CDH4: variants seen among roughly 807,000 people sequenced by gnomAD.
CDH4 encodes cadherin-4.
A neutral mutation model predicts 86.0 loss-of-function variants in CDH4; 33 were observed. The observed-to-expected ratio is 0.38, with a 90% CI of 0.29 to 0.51. CDH4 has a LOEUF of 0.51. CDH4 is among the 20% of genes least tolerant of loss of function. The probability of loss-of-function intolerance (pLI) is 0.86; values close to 1 mark genes in which losing one functional copy is unlikely to be tolerated. For missense variants in CDH4, 1,114 were observed against 1,307.4 expected (o/e 0.85, Z 2.28); for synonymous variants, 555 against 549.4 (o/e 1.01, Z -0.14).
At chr20:61,255,246 T>C (rs1230957832) in intron 2 of CDH4, among the ~76,000 whole-genome samples, 1 of 152,264 alleles carries the variant, frequency 6.6e-6, no homozygotes, top group Non-Finnish European at 1.5e-5. Context: ...CATGAAGTTC[T>C]GGATACTTAA....
At chr20:61,917,211 G>A (rs1219363744) in intron 9 of CDH4, among the ~76,000 whole-genome samples, 3 of 152,140 alleles carry the variant, frequency 2.0e-5, no homozygotes, top group East Asian at 3.9e-4. Context: ...CACCTCCCAG[G>A]CTCTACCTGA....
intron 2 of CDH4, among the ~76,000 whole-genome samples, chr20:61,630,212 T>C (rs1356597103): frequency 6.6e-6 from 1 of 152,220 alleles, no homozygotes; most frequent in Non-Finnish European, 1.5e-5. Flanking sequence ...CTGCCAGTTA[T>C]GCCTTGGTGT....
intron 2 of CDH4, among the ~76,000 whole-genome samples, chr20:61,437,984 C>T (rs1051017229): frequency 6.6e-6 from 1 of 152,214 alleles, no homozygotes; most frequent in Non-Finnish European, 1.5e-5. Flanking sequence ...CACTCAGCTC[C>T]ACCACTTCAG....
intron 2 of CDH4, among the ~76,000 whole-genome samples, chr20:61,457,010 G>C (rs1481869988): frequency 1.3e-5 from 2 of 152,182 alleles, no homozygotes; most frequent in East Asian, 3.9e-4. Flanking sequence ...AGTGGCAAAA[G>C]GGGCTTTGTG....
rs367878463 is a variant in CDH4 at position 61,704,775 on chromosome 20, G to A, written c.170-38788G>A. Among the ~76,000 whole-genome samples, 292 of 152,264 alleles carry A rather than the reference G, an allele frequency of 1.9e-3. 11 individuals carry two copies. In the South Asian group the frequency reaches 0.047, roughly 25 times the overall value. ...CATCATGGGCATTAAATGGGGTGGCGCCGCTCTGGGCACCACAGGCATTTA... is the reference window on the plus strand; with the variant it reads ...CATCATGGGCATTAAATGGGGTGGCACCGCTCTGGGCACCACAGGCATTTA... On this transcript the variant is annotated intron_variant, in intron 2 of 15. Transcript: ENST00000614565.
intron 2 of CDH4, among the ~76,000 whole-genome samples, chr20:61,713,220 C>T (rs1339727582): frequency 6.6e-6 from 1 of 152,208 alleles, no homozygotes; most frequent in South Asian, 2.1e-4. Context: ...TGTGTCCTGA[C>T]CCCTGCATGT....
chr20:61,828,584 AGGTCCTGAGGGGAG>A (rs1981431463), intron 4 of CDH4, among the ~76,000 whole-genome samples: 1 of 152,196 alleles, frequency 6.6e-6, no homozygotes, highest in Admixed American at 6.5e-5. Context: ...TCTTGCTCAG[AGGTCCTGAGGGGAG>A]GGTCCTGAGG....
chr20:61,685,545 C>T (rs1568754862), intron 2 of CDH4, among the ~76,000 whole-genome samples: 1 of 152,280 alleles, frequency 6.6e-6, no homozygotes, highest in Non-Finnish European at 1.5e-5. Flanking sequence ...TCCTCGGCCC[C>T]ACCACCCCGC....
At chr20:61,856,941 G>A (rs888063944) in intron 6 of CDH4, among the ~76,000 whole-genome samples, 2 of 152,238 alleles carry the variant, frequency 1.3e-5, no homozygotes, top group African/African-American at 4.8e-5. Flanking sequence ...CTCCCCGGCC[G>A]GTTTTCAACC....
At chr20:61,920,079 ACG>A (rs2054955637) in intron 9 of CDH4, among the ~76,000 whole-genome samples, 1 of 3,142 alleles carries the variant, frequency 3.2e-4, no homozygotes, top group Non-Finnish European at 7.6e-4. Context: ...GCGTGGTGTC[ACG>A]GTGATTGCGT....
At chr20:61,806,680 C>G (rs1228015214) in intron 4 of CDH4, among the ~76,000 whole-genome samples, 1 of 152,202 alleles carries the variant, frequency 6.6e-6, no homozygotes, top group Non-Finnish European at 1.5e-5. Context: ...TCACCTTTCC[C>G]TTGGGGCTGT....
At chr20:61,804,220 C>T (rs1214279329) in intron 4 of CDH4, among the ~76,000 whole-genome samples, 3 of 152,212 alleles carry the variant, frequency 2.0e-5, no homozygotes, top group Non-Finnish European at 4.4e-5. Context: ...GCTGGAGATT[C>T]GCCCTCAGGT....
intron 2 of CDH4, chr20:61,437,512 G>C (rs1230007245): frequency 6.6e-6 from 1 of 152,130 alleles, no homozygotes; most frequent in Non-Finnish European, 1.5e-5. Context: ...AAGGTATCTG[G>C]GCTCCAGTCA....
intron 2 of CDH4, among the ~76,000 whole-genome samples, chr20:61,688,513 C>T (rs1266896633): frequency 6.6e-6 from 1 of 152,348 alleles, no homozygotes; most frequent in East Asian, 1.9e-4. Flanking sequence ...ACTCTTGGTC[C>T]CCTGGACCGC....
intron 4 of CDH4, among the ~76,000 whole-genome samples, chr20:61,775,427 G>A (rs1236984198): frequency 6.6e-6 from 1 of 152,114 alleles, no homozygotes; most frequent in Non-Finnish European, 1.5e-5. Context: ...TTACTCTGGG[G>A]TCAGCAAACC....
chr20:61,669,936 G>A lies in CDH4; in HGVS notation c.170-73627G>A, dbSNP rs865999982. ...CTGGTGGACCTGAGCTCCAAGCATG[G>A]GAGGCAGCCTGAGACAGTGTGGACC... is the stretch of plus-strand genomic sequence containing the variant. On this transcript the variant is annotated intron_variant, in intron 2 of 15. Transcript: ENST00000614565. Among the ~76,000 whole-genome samples the A allele has an allele frequency of 1.6e-4, 25 of 152,246 alleles. No homozygotes were observed. In the South Asian group the frequency reaches 2.3e-3, roughly 14 times the overall value.
At chr20:61,406,986 G>A (rs1489564750) in intron 2 of CDH4, among the ~76,000 whole-genome samples, 1 of 134,352 alleles carries the variant, frequency 7.4e-6, no homozygotes, top group Non-Finnish European at 1.6e-5. Flanking sequence ...GCTCTTCTTG[G>A]ACCACCATCT....
intron 2 of CDH4, among the ~76,000 whole-genome samples, chr20:61,546,434 T>A (rs1448539415): frequency 6.6e-6 from 1 of 151,766 alleles, no homozygotes; most frequent in East Asian, 1.9e-4. Context: ...GCCCACACTT[T>A]GTGTTAGTGA....
chr20:61,254,688 G>T, intron 1 of CDH4, 138 bp from the exon 2 acceptor site: 2 of 671,280 alleles, frequency 3.0e-6, no homozygotes, highest in Non-Finnish European at 2.7e-6. Flanking sequence ...ACGGGGTATC[G>T]CGTCTGGGTG....
Sources: gnomAD v4.1 joint callset for allele counts (sites outside exome capture counted in the v4.1 genomes callset) on GRCh38, gnomAD v4.1.1 for gene constraint, MANE v1.5 for transcripts, NCBI Gene and HGNC (gene_info 2026-07-23, HGNC 2026-07-21) for gene names.